UNC5D: variants seen among roughly 807,000 people sequenced by gnomAD.
UNC5D encodes unc-5 netrin receptor D, also known as netrin receptor UNC5D.
A neutral mutation model predicts 105.4 loss-of-function variants in UNC5D; 39 were observed. The observed-to-expected ratio is 0.37, with a 90% CI of 0.29 to 0.48. UNC5D has a LOEUF of 0.48. Ranked by LOEUF, UNC5D falls within the 20% of genes least tolerant of loss-of-function variation. The pLI is 0.98. For missense variants in UNC5D, 991 were observed against 1,202.4 expected (o/e 0.82, Z 2.60); for synonymous variants, 452 against 450.4 (o/e 1.00, Z -0.04).
chr8:35,546,197 G>T (rs571742801), intron 1 of UNC5D, among the ~76,000 whole-genome samples: 2 of 152,282 alleles, frequency 1.3e-5, no homozygotes, highest in South Asian at 4.2e-4. Flanking sequence ...CCTGGCCTAA[G>T]ATTGACTGAT....
chr8:35,247,330 C>T (rs1803175931), intron 1 of UNC5D, among the ~76,000 whole-genome samples: 1 of 148,634 alleles, frequency 6.7e-6, no homozygotes, highest in Non-Finnish European at 1.5e-5. Flanking sequence ...ATGATGGATG[C>T]AGTTTGGTGT....
At chr8:35,315,381 G>T (rs1252690716) in intron 1 of UNC5D, among the ~76,000 whole-genome samples, 3 of 152,140 alleles carry the variant, frequency 2.0e-5, no homozygotes, top group Non-Finnish European at 4.4e-5. Context: ...ATCTGGGATG[G>T]CCTCATTCAC....
At chr8:35,751,860 T>G (rs1050744549) in intron 13 of UNC5D, among the ~76,000 whole-genome samples, 8 of 152,214 alleles carry the variant, frequency 5.3e-5, no homozygotes, top group African/African-American at 1.7e-4. Flanking sequence ...GAAGAGTTTT[T>G]GGGAACTCTT....
intron 1 of UNC5D, among the ~76,000 whole-genome samples, chr8:35,541,199 A>T (rs1464438046): frequency 6.6e-6 from 1 of 152,194 alleles, no homozygotes; most frequent in Admixed American, 6.5e-5. Flanking sequence ...TATGGACAGA[A>T]AAGGAAAGTG....
intron 8 of UNC5D, chr8:35,721,467 G>A (rs1197682107): frequency 2.8e-6 from 2 of 702,934 alleles, no homozygotes; most frequent in Non-Finnish European, 5.2e-6. Flanking sequence ...TGGAGTAGGA[G>A]AGGTATGGGA....
intron 1 of UNC5D, among the ~76,000 whole-genome samples, chr8:35,427,423 C>T (rs779948114): frequency 6.6e-6 from 1 of 152,148 alleles, no homozygotes; most frequent in African/African-American, 2.4e-5. Context: ...TTTCAGACTG[C>T]CGCTGTATGA....
chr8:35,620,577 T>C (rs898013793), intron 4 of UNC5D, among the ~76,000 whole-genome samples: 1 of 152,164 alleles, frequency 6.6e-6, no homozygotes. Flanking sequence ...CTGTGTGCAG[T>C]TGGGTTTATT....
intron 1 of UNC5D, among the ~76,000 whole-genome samples, chr8:35,241,624 T>C (rs1394796525): frequency 6.6e-6 from 1 of 152,168 alleles, no homozygotes; most frequent in African/African-American, 2.4e-5. Context: ...TCTTCTTATA[T>C]GACCAGTCTC....
In UNC5D at chr8:35,737,300, G is replaced by GTGTGTT. The variant is rs57002738; in HGVS notation, c.1766+6205_1766+6206insGTGTTT. On this transcript the variant is annotated intron_variant, in intron 11 of 16. Coordinates refer to ENST00000404895, the MANE Select transcript of UNC5D (RefSeq NM_080872.4). ...TGTGTGTGTGTGTGTGTGTGTGTGTGTTAATGTGTGATGAAGGAATTGAAG... is the reference window on the plus strand; with the variant it reads ...TGTGTGTGTGTGTGTGTGTGTGTGTGTGTGTTTTAATGTGTGATGAAGGAATTGAAG... Among the ~76,000 whole-genome samples the GTGTGTT allele has an allele frequency of 3.6e-3, 464 of 130,150 alleles. 10 individuals carry two copies. Among genetic ancestry groups the GTGTGTT allele is most frequent in the South Asian group, 0.021 (89 of 4,292 alleles). The allele number at this position is 130,150 out of a possible 152,430, so 85.4% of individuals were successfully genotyped here.
At chr8:35,598,473 A>G (rs1563574282) in intron 4 of UNC5D, among the ~76,000 whole-genome samples, 1 of 152,312 alleles carries the variant, frequency 6.6e-6, no homozygotes, top group South Asian at 2.1e-4. Context: ...TATAGCCATT[A>G]TGGAAAACAG....
At chr8:35,344,202 G>A (rs1176656750) in intron 1 of UNC5D, among the ~76,000 whole-genome samples, 2 of 152,034 alleles carry the variant, frequency 1.3e-5, no homozygotes, top group Non-Finnish European at 2.9e-5. Context: ...TGGAATGTGG[G>A]CCCACCTGCT....
At chr8:35,498,079 C>CAAAAAAAAAAAAAAAAAA (rs141361517) in intron 1 of UNC5D, among the ~76,000 whole-genome samples, 5 of 59,422 alleles carry the variant, frequency 8.4e-5, no homozygotes, top group Non-Finnish European at 1.9e-4. Context: ...CAAAACAAAA[C>CAAAAAAAAAAAAAAAAAA]AAAACAAAAA....
In UNC5D at chr8:35,686,603, T is replaced by C; in HGVS notation, c.978T>C (p.His326=). 5.0e-6 allele frequency: 8 copies of C among 1,608,386 alleles called. No individual in the cohort carries two copies. Among genetic ancestry groups the C allele is most frequent in the Non-Finnish European group, 6.8e-6 (8 of 1,178,452 alleles). The part of the protein sequence containing the change: ...EWSVCSPECE[H]LRIRECTAPP... ...CCGTCTGCAGTCCAGAGTGTGAACA[T>C]TTGCGGATCCGGGAGTGCACAGCAC... is the stretch of plus-strand genomic sequence containing the variant. The change falls in exon 7 of 17, where the codon CAT becomes CAC. Residue 326 remains histidine, a synonymous_variant. Transcript: ENST00000404895.
intron 13 of UNC5D, among the ~76,000 whole-genome samples, chr8:35,753,224 C>T (rs1830365474): frequency 1.3e-5 from 2 of 152,106 alleles, no homozygotes; most frequent in African/African-American, 2.4e-5. Context: ...GAATGTTATT[C>T]TCCCTCTAAT....
At chr8:35,302,010 A>G (rs1807996608) in intron 1 of UNC5D, among the ~76,000 whole-genome samples, 1 of 152,168 alleles carries the variant, frequency 6.6e-6, no homozygotes, top group South Asian at 2.1e-4. Flanking sequence ...GAATTGTGAA[A>G]TTTGGCAATG....
intron 9 of UNC5D, among the ~76,000 whole-genome samples, chr8:35,724,944 A>AT (rs1364375622): frequency 3.9e-5 from 6 of 152,134 alleles, no homozygotes; most frequent in African/African-American, 1.4e-4. Flanking sequence ...CATGGAAAAA[A>AT]AATAATAATA....
chr8:35,773,197 ACTT>A (rs1802088037), intron 15 of UNC5D, among the ~76,000 whole-genome samples: 2 of 152,176 alleles, frequency 1.3e-5, no homozygotes, highest in Admixed American at 1.3e-4. Context: ...GTCCACCTAA[ACTT>A]CTTAGCAACC....
rs970450862 is a variant in UNC5D, at chr8:35,750,206, C to G, written c.1936-376C>G. Among the ~76,000 whole-genome samples, 4 of 151,988 alleles carry G rather than the reference C, an allele frequency of 2.6e-5. No homozygotes were observed. In the East Asian group the frequency reaches 7.8e-4, roughly 30 times the overall value. On this transcript the variant is annotated intron_variant, in intron 12 of 16. Transcript: ENST00000404895. The stretch of plus-strand genomic sequence containing the variant: ...AGGCTGGAGTGCAGTGGATGGATCT[C>G]CGCCTACTGCAATCTCCACCTCCCA...
chr8:35,270,576 T>C (rs1330326284), intron 1 of UNC5D, among the ~76,000 whole-genome samples: 1 of 152,226 alleles, frequency 6.6e-6, no homozygotes, highest in South Asian at 2.1e-4. Flanking sequence ...TTAGTGATTA[T>C]GACAAATTGA....
Sources: gnomAD v4.1 joint callset for allele counts (sites outside exome capture counted in the v4.1 genomes callset) on GRCh38, gnomAD v4.1.1 for gene constraint, MANE v1.5 for transcripts, NCBI Gene and HGNC (gene_info 2026-07-23, HGNC 2026-07-21) for gene names.